Variants in UBE2D3 observed in about 807,000 individuals in gnomAD.
The protein encoded by UBE2D3 is ubiquitin conjugating enzyme E2 D3.
In UBE2D3, 2 loss-of-function variants were observed where a neutral mutation model predicts 22.8. The ratio of observed to expected loss-of-function variants is 0.09; its 90% CI spans 0.04 to 0.28. The LOEUF is 0.28. UBE2D3 is among the 10% of genes least tolerant of loss of function. The probability of loss-of-function intolerance (pLI) is 1.00; values close to 1 mark genes in which losing one functional copy is unlikely to be tolerated. For synonymous variants in UBE2D3, 56 were observed against 60.4 expected, an observed-to-expected ratio of 0.93 and a Z score of 0.34; for missense variants, 27 against 182.5, an observed-to-expected ratio of 0.15 and a Z score of 4.91.
chr4:102,845,469 C>T (rs971258698), intron 1 of UBE2D3, among the ~76,000 whole-genome samples: 2 of 152,174 alleles, frequency 1.3e-5, no homozygotes, highest in African/African-American at 2.4e-5. Context: ...GAGAACCCCA[C>T]TGGATTAGGG....
chr4:102,824,482 G>C lies in UBE2D3; in HGVS notation c.24+2003C>G, dbSNP rs182123950. On this transcript the variant is annotated intron_variant, in intron 2 of 7. Coordinates refer to ENST00000453744, the MANE Select transcript of UBE2D3 (RefSeq NM_181891.3). The stretch of plus-strand genomic sequence containing the variant: ...CTAAAACAGTGCCTGGTACATATTA[G>C]GCACACAGTCATTTATTGTTCATAT... Among the ~76,000 whole-genome samples the C allele has an allele frequency of 5.9e-3, 902 of 152,266 alleles. 7 individuals are homozygous for C. Among genetic ancestry groups the C allele is most frequent in the Middle Eastern group, 0.01 (3 of 294 alleles).
intron 1 of UBE2D3, among the ~76,000 whole-genome samples, chr4:102,867,724 G>C (rs903009182): frequency 9.9e-5 from 15 of 152,078 alleles, no homozygotes; most frequent in African/African-American, 3.6e-4. Flanking sequence ...CCTTAAGCCG[G>C]AGTTAGAGTC....
chr4:102,815,415 C>T (rs1203651421), intron 2 of UBE2D3, among the ~76,000 whole-genome samples: 1 of 151,830 alleles, frequency 6.6e-6, no homozygotes, highest in East Asian at 1.9e-4. Context: ...AAACACAATA[C>T]CCAATAATGT....
At chr4:102,849,763 AG>A (rs1388286565) in intron 1 of UBE2D3, among the ~76,000 whole-genome samples, 1 of 152,254 alleles carries the variant, frequency 6.6e-6, no homozygotes, top group African/African-American at 2.4e-5. Context: ...CAAATTAAAA[AG>A]ATTGACAATA....
intron 1 of UBE2D3, among the ~76,000 whole-genome samples, chr4:102,840,631 TGG>T (rs1731699200): frequency 6.6e-6 from 1 of 152,042 alleles, no homozygotes; most frequent in Admixed American, 6.6e-5. Flanking sequence ...CAGTGAGATA[TGG>T]AACAAAGGAA....
intron 1 of UBE2D3, among the ~76,000 whole-genome samples, chr4:102,865,171 C>T (rs1313992836): frequency 6.6e-6 from 1 of 152,128 alleles, no homozygotes; most frequent in Non-Finnish European, 1.5e-5. Context: ...ATAAATTTGA[C>T]TACACCCAAA....
chr4:102,809,082 G>C (rs1230177211), intron 4 of UBE2D3: 1 of 217,476 alleles, frequency 4.6e-6, no homozygotes, highest in Non-Finnish European at 1.0e-5. Context: ...GGATGTTTTA[G>C]TGCGCTCTAA....
intron 2 of UBE2D3, among the ~76,000 whole-genome samples, chr4:102,824,540 A>C (rs746714232): frequency 6.6e-6 from 1 of 152,210 alleles, no homozygotes; most frequent in Non-Finnish European, 1.5e-5. Flanking sequence ...GAGGCACATA[A>C]ACTTGCCCAG....
upstream of UBE2D3, chr4:102,828,150 C>T (rs991705240): frequency 5.1e-6 from 5 of 985,320 alleles, no homozygotes; most frequent in Non-Finnish European, 6.0e-6. Context: ...ATGCTTATGC[C>T]GGTGGTTGGT....
chr4:102,835,693 T>C (rs917875188), intron 1 of UBE2D3, among the ~76,000 whole-genome samples: 5 of 152,220 alleles, frequency 3.3e-5, no homozygotes, highest in Admixed American at 2.6e-4. Flanking sequence ...CACAGCTACA[T>C]TGTTATGTTT....
At chr4:102,856,518 C>G (rs1234674947) in intron 1 of UBE2D3, among the ~76,000 whole-genome samples, 1 of 152,084 alleles carries the variant, frequency 6.6e-6, no homozygotes, top group Non-Finnish European at 1.5e-5. Flanking sequence ...CTAGTGCTTT[C>G]ATGCTTTGAA....
At chr4:102,866,144 A>T (rs1293478872) in intron 1 of UBE2D3, among the ~76,000 whole-genome samples, 2 of 152,194 alleles carry the variant, frequency 1.3e-5, no homozygotes, top group Non-Finnish European at 2.9e-5. Flanking sequence ...AAGGATTTTT[A>T]AATTGGTGGA....
chr4:102,827,748 A>AGATCGG (rs1193608390), upstream of UBE2D3: 2 of 985,796 alleles, frequency 2.0e-6, no homozygotes, highest in East Asian at 2.3e-4. Context: ...CTTACTAAAC[A>AGATCGG]GATCGGAGAT....
chr4:102,851,889 G>C (rs1368099106), intron 1 of UBE2D3, among the ~76,000 whole-genome samples: 1 of 151,718 alleles, frequency 6.6e-6, no homozygotes, highest in Admixed American at 6.6e-5. Context: ...GGCTGGTCTC[G>C]AACTCCTGAC....
chr4:102,837,424 G>A (rs895761042), intron 1 of UBE2D3, among the ~76,000 whole-genome samples: 1 of 152,196 alleles, frequency 6.6e-6, no homozygotes, highest in Non-Finnish European at 1.5e-5. Context: ...TTTACAAGTT[G>A]TAAGTTTGTG....
intron 1 of UBE2D3, among the ~76,000 whole-genome samples, chr4:102,848,003 C>T (rs960156051): frequency 6.6e-6 from 1 of 152,132 alleles, no homozygotes; most frequent in Non-Finnish European, 1.5e-5. Flanking sequence ...TTATTTATAG[C>T]CTACTGCTCA....
intron 1 of UBE2D3, 70 bp downstream of exon 1, chr4:102,827,357 G>GCC (rs746617154): frequency 6.1e-6 from 6 of 983,188 alleles, no homozygotes; most frequent in Non-Finnish European, 7.2e-6. Flanking sequence ...GTCCCGCACT[G>GCC]CCCCTCTTAC....
At chr4:102,802,296 T>G in intron 5 of UBE2D3, 1 of 275,268 alleles carries the variant, frequency 3.6e-6, no homozygotes, top group Non-Finnish European at 6.7e-6. Context: ...AATCAGAATC[T>G]GTGTAACAAT....
intron 2 of UBE2D3, 132 bp downstream of exon 2, chr4:102,826,353 T>C: frequency 8.6e-7 from 1 of 1,156,572 alleles, no homozygotes; most frequent in Non-Finnish European, 1.3e-6. Flanking sequence ...ATCTGCGTTC[T>C]CCATCCCCCC....
Sources: gnomAD v4.1 joint callset for allele counts (sites outside exome capture counted in the v4.1 genomes callset) on GRCh38, gnomAD v4.1.1 for gene constraint, MANE v1.5 for transcripts, NCBI Gene and HGNC (gene_info 2026-07-23, HGNC 2026-07-21) for gene names.